RELN: variants seen among roughly 807,000 people sequenced by gnomAD.
The protein encoded by RELN is reelin.
A neutral mutation model predicts 427.6 loss-of-function variants in RELN; 108 were observed. That is an observed-to-expected ratio of 0.25 (90% CI 0.22 to 0.30). The LOEUF (loss-of-function observed/expected upper bound fraction) is 0.30. Among genes scored for constraint, RELN ranks in the 10% least tolerant of loss-of-function variants. The probability of loss-of-function intolerance (pLI) is 1.00; values close to 1 mark genes in which losing one functional copy is unlikely to be tolerated. For missense variants in RELN, 3,715 were observed against 4,302.8 expected, an observed-to-expected ratio of 0.86 and a Z score of 3.82; for synonymous variants, 1,524 against 1,513.4, an observed-to-expected ratio of 1.01 and a Z score of -0.16.
chr7:103,506,618 T>C (rs946223589), intron 51 of RELN, among the ~76,000 whole-genome samples: 1 of 148,090 alleles, frequency 6.8e-6, no homozygotes, highest in African/African-American at 2.6e-5. Context: ...TACCAAATTG[T>C]AAAGACCATT....
chr7:103,905,680 G>A (rs774168173), intron 2 of RELN, among the ~76,000 whole-genome samples: 2 of 1,864 alleles, frequency 1.1e-3, no homozygotes, highest in Admixed American at 0.014. Context: ...TGCCACAGGA[G>A]TGAAGATGAC....
At chr7:103,885,140 C>G (rs1794695903) in intron 2 of RELN, among the ~76,000 whole-genome samples, 1 of 152,022 alleles carries the variant, frequency 6.6e-6, no homozygotes, top group Admixed American at 6.6e-5. Context: ...GAGATCAAAA[C>G]CATCCTGGCT....
rs2117351527 is a variant in RELN at position 103,636,372 on chromosome 7, A to C, written c.2166T>G (p.Ser722=). ...SESFGSSRLS[S]YHNFYSIRGA... is the part of the protein sequence containing the mutation. ...CACGGATAGAGTAAAAGTTATGGTA[A>C]GAGGAGAGCCTGGAACTGCCAAAGC... The change falls in exon 18 of 65, where the codon TCT becomes TCG. Residue 722 remains serine, a synonymous_variant. Transcript: ENST00000428762. The C allele has an allele frequency of 6.2e-7, 1 of 1,613,984 alleles. No homozygotes were observed.
intron 3 of RELN, among the ~76,000 whole-genome samples, chr7:103,792,368 C>T (rs1792185983): frequency 6.6e-6 from 1 of 152,072 alleles, no homozygotes; most frequent in Non-Finnish European, 1.5e-5. Flanking sequence ...TATATCCATA[C>T]AACGGAATAT....
intron 1 of RELN, among the ~76,000 whole-genome samples, chr7:103,918,809 T>G (rs75552372): frequency 0.042 from 6,366 of 152,174 alleles, 311 homozygotes; most frequent in East Asian, 0.22. Flanking sequence ...AAGTTGGCTA[T>G]TTAAATATGT....
intron 46 of RELN, among the ~76,000 whole-genome samples, chr7:103,528,904 G>A (rs182918086): frequency 0.026 from 3,984 of 151,546 alleles, 162 homozygotes; most frequent in African/African-American, 0.089. Context: ...TTGGGAGGCC[G>A]AGGCGGGTGG....
intron 7 of RELN, among the ~76,000 whole-genome samples, chr7:103,726,452 G>A (rs1266964321): frequency 6.6e-6 from 1 of 151,766 alleles, no homozygotes; most frequent in Non-Finnish European, 1.5e-5. Context: ...TTCCTTTTTG[G>A]TTGAAAGGCT....
rs909623470 is a variant in RELN, at chr7:103,945,646, C to A, written c.227-28461G>T. Among the ~76,000 whole-genome samples the A allele has an allele frequency of 3.3e-5, 5 of 152,182 alleles. No homozygotes were observed. In the South Asian group the frequency reaches 8.3e-4, roughly 25 times the overall value. On this transcript the variant is annotated intron_variant, in intron 1 of 64. Coordinates refer to ENST00000428762, the MANE Select transcript of RELN (RefSeq NM_005045.4). ...AAATATTCCCTCAAAACCTCACACT[C>A]CTCCTGCTTAGCACTTACCATACTG...
chr7:103,817,013 C>T (rs1260485779), intron 3 of RELN, among the ~76,000 whole-genome samples: 3 of 151,860 alleles, frequency 2.0e-5, no homozygotes, highest in East Asian at 3.9e-4. Flanking sequence ...CACCATGCCT[C>T]GCTGATTTTT....
intron 2 of RELN, among the ~76,000 whole-genome samples, chr7:103,911,064 G>T (rs951908786): frequency 2.1e-5 from 3 of 143,352 alleles, no homozygotes; most frequent in African/African-American, 8.3e-5. Flanking sequence ...GAGTGAACAG[G>T]CAACCTACAA....
chr7:103,690,306 T>TA (rs1833846947), intron 10 of RELN, among the ~76,000 whole-genome samples: 1 of 152,076 alleles, frequency 6.6e-6, no homozygotes, highest in Non-Finnish European at 1.5e-5. Context: ...GTTCATAGCC[T>TA]TTAATCCTTG....
At chr7:103,622,938 C>T (rs1418462991) in intron 20 of RELN, among the ~76,000 whole-genome samples, 1 of 152,156 alleles carries the variant, frequency 6.6e-6, no homozygotes, top group Non-Finnish European at 1.5e-5. Flanking sequence ...GCTTGTAAAT[C>T]AATCAATAAA....
chr7:103,918,562 A>G (rs534586138), intron 1 of RELN, among the ~76,000 whole-genome samples: 151 of 152,286 alleles, frequency 9.9e-4, no homozygotes, highest in South Asian at 3.9e-3. Flanking sequence ...CCATCAAGGC[A>G]GGCATCTCAA....
At chr7:103,527,068 G>A (rs1364146167) in intron 46 of RELN, among the ~76,000 whole-genome samples, 5 of 151,988 alleles carry the variant, frequency 3.3e-5, no homozygotes, top group Admixed American at 6.5e-5. Flanking sequence ...AAATATTACT[G>A]TTAATAGTAC....
At chr7:103,881,845 G>A (rs938182182) in intron 2 of RELN, among the ~76,000 whole-genome samples, 5 of 152,110 alleles carry the variant, frequency 3.3e-5, no homozygotes, top group African/African-American at 9.7e-5. Context: ...GTTTTGGGTG[G>A]TTTACTAGGC....
intron 1 of RELN, among the ~76,000 whole-genome samples, chr7:103,940,644 T>G (rs1425752325): frequency 6.6e-6 from 1 of 152,170 alleles, no homozygotes; most frequent in South Asian, 2.1e-4. Context: ...TGGGAGCACC[T>G]TGAGGCATAA....
intron 41 of RELN, among the ~76,000 whole-genome samples, chr7:103,548,458 C>T (rs888079701): frequency 1.3e-5 from 2 of 152,320 alleles, no homozygotes; most frequent in Admixed American, 6.5e-5. Context: ...TTCATGCCTG[C>T]ATGGGTTTTA....
At chr7:103,767,155 T>C (rs1791444580) in intron 4 of RELN, among the ~76,000 whole-genome samples, 1 of 152,266 alleles carries the variant, frequency 6.6e-6, no homozygotes, top group African/African-American at 2.4e-5. Context: ...GCTGGACCAC[T>C]GGCAGCCATG....
intron 11 of RELN, among the ~76,000 whole-genome samples, chr7:103,669,473 A>T (rs1344969858): frequency 6.6e-6 from 1 of 152,164 alleles, no homozygotes; most frequent in Non-Finnish European, 1.5e-5. Flanking sequence ...TCTATCAACT[A>T]CTGGGGGACT....
Sources: allele counts gnomAD v4.1 joint callset (sites outside exome capture counted in the v4.1 genomes callset), GRCh38; gene constraint gnomAD v4.1.1; transcripts MANE v1.5; gene names NCBI Gene and HGNC (gene_info 2026-07-23, HGNC 2026-07-21).